Variants in ICE1 observed in about 807,000 individuals in gnomAD.
The protein encoded by ICE1 is interactor of little elongation complex ELL subunit 1.
Under a neutral mutation model 192.7 loss-of-function variants are expected in ICE1, and 64 were observed. The observed-to-expected ratio is 0.33, with a 90% CI of 0.27 to 0.41. ICE1 has a LOEUF of 0.41. Among genes scored for constraint, ICE1 ranks in the 10% least tolerant of loss-of-function variants. The pLI is 1.00. For synonymous variants in ICE1, 1,010 were observed against 984.5 expected (o/e 1.03, Z -0.49); for missense variants, 2,708 against 2,696.0 (o/e 1.00, Z -0.10).
At chr5:5,435,013 A>G (rs974240827) in intron 1 of ICE1, among the ~76,000 whole-genome samples, 4 of 152,218 alleles carry the variant, frequency 2.6e-5, no homozygotes, top group Non-Finnish European at 5.9e-5. Context: ...CTGGTCCAGC[A>G]GTACCAGTAT....
At chr5:5,466,565 G>T in intron 14 of ICE1, 63 bp downstream of exon 14, 1 of 1,334,848 alleles carries the variant, frequency 7.5e-7, no homozygotes, top group Non-Finnish European at 1.0e-6. Flanking sequence ...CCTTATACTG[G>T]AGTCTATATT....
chr5:5,475,866 T>A, intron 16 of ICE1, 107 bp from the exon 17 acceptor site: 3 of 715,490 alleles, frequency 4.2e-6, no homozygotes, highest in Non-Finnish European at 2.4e-6. Flanking sequence ...CAATGTTAGA[T>A]CCTCAGCAGT....
At chr5:5,434,079 T>G (rs1737800561) in intron 1 of ICE1, among the ~76,000 whole-genome samples, 2 of 152,150 alleles carry the variant, frequency 1.3e-5, no homozygotes, top group Admixed American at 1.3e-4. Flanking sequence ...TCACTGAAAT[T>G]AATAAATAAA....
rs148754560 is a variant in ICE1, at chr5:5,486,449, G to T, written c.6521-272G>T. The stretch of plus-strand genomic sequence containing the variant: ...GTGTCAGACCAAAAATACATATTTT[G>T]GTGGGACCATAGTCTTATCTTTGAT... On this transcript the variant is annotated intron_variant, in intron 17 of 18. Coordinates refer to ENST00000296564, the MANE Select transcript of ICE1 (RefSeq NM_015325.3). Among the ~76,000 whole-genome samples, 343 of 152,296 alleles carry T rather than the reference G, an allele frequency of 2.3e-3. 1 individual carries two copies. The highest frequency in any genetic ancestry group is 6.8e-3 in the Middle Eastern group (2 of 294).
At position 5,461,603 on chromosome 5, in the gene ICE1, C is replaced by T; in HGVS notation, c.2269C>T (p.Pro757Ser). The part of the protein sequence containing the change: ...TKDGQCESQD[P>S]RIELTLNKPD... ...AGATGGGCAATGTGAAAGTCAAGAT[C>T]CAAGAATTGAGCTCACACTAAATAA... The change falls in exon 13 of 19, where the codon CCA (proline) becomes TCA (serine). Residue 757 changes from proline (P) to serine (S), a missense_variant. Physicochemically the swap from Pro to Ser is moderately conservative, Grantham distance 74. Around this residue, in one of 2 missense-constraint regions of ICE1, gnomAD observed 2,366 missense variants for 2,276.6 expected, o/e 1.04. Coordinates refer to ENST00000296564, the MANE Select transcript of ICE1 (RefSeq NM_015325.3). The T allele has an allele frequency of 6.2e-7, 1 of 1,613,194 alleles. No individual in the cohort carries two copies. The highest frequency in any genetic ancestry group is 8.5e-7 in the Non-Finnish European group (1 of 1,179,542).
At chr5:5,433,741 AG>A (rs1481773206) in intron 1 of ICE1, among the ~76,000 whole-genome samples, 1 of 152,148 alleles carries the variant, frequency 6.6e-6, no homozygotes, top group Non-Finnish European at 1.5e-5. Context: ...TTAGGACTTA[AG>A]CATGTCTTTT....
At chr5:5,485,599 G>A (rs1171112169) in intron 17 of ICE1, among the ~76,000 whole-genome samples, 2 of 152,228 alleles carry the variant, frequency 1.3e-5, no homozygotes, top group African/African-American at 2.4e-5. Context: ...AATGCTGTCA[G>A]TGAGCTTTTT....
chr5:5,450,466 GA>G (rs573975268), intron 10 of ICE1, among the ~76,000 whole-genome samples: 27 of 152,218 alleles, frequency 1.8e-4, no homozygotes, highest in Non-Finnish European at 3.1e-4. Context: ...CGTCTCCTAG[GA>G]CTTCTCAGAG....
intron 17 of ICE1, among the ~76,000 whole-genome samples, chr5:5,478,189 A>G (rs1031834644): frequency 3.3e-5 from 5 of 152,262 alleles, no homozygotes; most frequent in Admixed American, 6.5e-5. Flanking sequence ...TGCAGATGAC[A>G]TGATTGTATA....
At chr5:5,484,396 C>T (rs564281224) in intron 17 of ICE1, among the ~76,000 whole-genome samples, 1 of 152,330 alleles carries the variant, frequency 6.6e-6, no homozygotes, top group East Asian at 1.9e-4. Context: ...AGATGTGCAT[C>T]CCTTTCTCTG....
chr5:5,437,211 A>AGATAGTACTTAACAGGCTTCAGTAGG, intron 3 of ICE1, 97 bp downstream of exon 3: 1 of 896,508 alleles, frequency 1.1e-6, no homozygotes, highest in South Asian at 1.5e-5. Context: ...GCCTTCTGGA[A>AGATAGTACTTAACAGGCTTCAGTAGG]GATAGTACTT....
intron 1 of ICE1, among the ~76,000 whole-genome samples, chr5:5,426,514 T>C (rs1737524023): frequency 6.6e-6 from 1 of 151,872 alleles, no homozygotes; most frequent in Non-Finnish European, 1.5e-5. Flanking sequence ...GGGCATTATG[T>C]TCTGTCACTT....
At chr5:5,482,775 A>AACACACACACAC (rs70965943) in intron 17 of ICE1, among the ~76,000 whole-genome samples, 68 of 136,080 alleles carry the variant, frequency 5.0e-4, no homozygotes, top group Admixed American at 2.6e-3. Context: ...CCCACCCCCC[A>AACACACACACAC]ACACACACAC....
At position 5,422,803 on chromosome 5, in the gene ICE1, T is replaced by C. The variant is rs1159849795; in HGVS notation, c.-113T>C. On this transcript the variant is annotated 5_prime_UTR_variant, in exon 1 of 19. Transcript: ENST00000296564. ...GTGCACGGATGGACCCGCCCGGACC[T>C]GGCGGGAAGCGGCCTGGCAGGCGGC... The C allele has an allele frequency of 2.8e-6, 2 of 725,600 alleles. No individual in the cohort carries two copies. Among genetic ancestry groups the C allele is most frequent in the Non-Finnish European group, 3.7e-6 (2 of 533,464 alleles). The allele number at this position is 725,600 out of a possible 1,614,324, so 44.9% of individuals were successfully genotyped here. A position where few individuals can be genotyped will look rare whatever the true frequency, so the allele number is the denominator to read the frequency against.
intron 11 of ICE1, among the ~76,000 whole-genome samples, chr5:5,454,859 A>C (rs77040338): frequency 1.3e-5 from 2 of 152,166 alleles, no homozygotes; most frequent in East Asian, 1.9e-4. Context: ...TCAAAAAAAA[A>C]CGAGAAGGTC....
chr5:5,423,462 A>G (rs1490492476), intron 1 of ICE1, among the ~76,000 whole-genome samples: 1 of 152,218 alleles, frequency 6.6e-6, no homozygotes, highest in East Asian at 1.9e-4. Context: ...TTAGACTCGA[A>G]GAGTCTAGGG....
intron 3 of ICE1, chr5:5,437,791 A>G (rs1737915989): frequency 6.6e-6 from 1 of 152,158 alleles, no homozygotes; most frequent in Non-Finnish European, 1.5e-5. Flanking sequence ...CTCTCCTGTA[A>G]AAACTTAAAG....
At position 5,444,325 on chromosome 5, in the gene ICE1, A is replaced by T; in HGVS notation, c.423A>T (p.Gln141His). ...TAGAAGCTAAGGTGAAGAAGCTGCA[A>T]GGTAAGTGGCACTATTGTTACCTGA... ...KKLEAKVKKL[Q>H]EAAVKQTQDF... Residue 141 changes from glutamine (Q) to histidine (H), a missense_variant and splice_region_variant, in exon 7 of 19, where the codon CAA becomes CAT. This residue lies in a region of ICE1 where 2,366 missense variants were observed against 2,276.6 expected (regional missense o/e 1.04). Transcript: ENST00000296564. 1 of 1,565,940 alleles carries T rather than the reference A, an allele frequency of 6.4e-7. No homozygotes were observed. Among genetic ancestry groups the T allele is most frequent in the Non-Finnish European group, 8.7e-7 (1 of 1,153,208 alleles).
rs1464106014 is a variant in ICE1, at chr5:5,461,537, A to G, written c.2203A>G (p.Ile735Val). 1 of 1,613,394 alleles carries G rather than the reference A, an allele frequency of 6.2e-7. No homozygotes were observed. Among genetic ancestry groups the G allele is most frequent in the East Asian group, 2.2e-5 (1 of 44,878 alleles). The stretch of plus-strand genomic sequence containing the variant: ...AAAAGTAGTAAAAGGCTTGACCAAA[A>G]TACATTCACTTCCTCGGTCAGTATT... ...YTKVVKGLTK[I>V]HSLPRSVFMK... Residue 735 changes from isoleucine to valine, a missense_variant, in exon 13 of 19, where the codon ATA becomes GTA. Coordinates refer to ENST00000296564, the MANE Select transcript of ICE1 (RefSeq NM_015325.3).
Sources: allele counts gnomAD v4.1 joint callset (sites outside exome capture counted in the v4.1 genomes callset), GRCh38; gene constraint gnomAD v4.1.1; regional missense constraint gnomAD v4.1.1; transcripts MANE v1.5; gene names NCBI Gene and HGNC (gene_info 2026-07-23, HGNC 2026-07-21).